ZNF618: variants seen among roughly 807,000 people sequenced by gnomAD.
ZNF618 encodes neural precursor cell expressed, developmentally down-regulated 10.
In ZNF618, 34 loss-of-function variants were observed where a neutral mutation model predicts 103.0. The observed-to-expected ratio is 0.33, with a 90% CI of 0.25 to 0.44. The LOEUF (loss-of-function observed/expected upper bound fraction) is 0.44. Among genes scored for constraint, ZNF618 ranks in the 20% least tolerant of loss-of-function variants. The probability of loss-of-function intolerance (pLI) is 1.00; values close to 1 mark genes in which losing one functional copy is unlikely to be tolerated. For synonymous variants in ZNF618, 551 were observed against 542.2 expected (o/e 1.02, Z -0.23); for missense variants, 1,059 against 1,295.4 (o/e 0.82, Z 2.80).
chr9:113,994,468 G>A (rs1840369883), intron 3 of ZNF618, among the ~76,000 whole-genome samples: 1 of 152,186 alleles, frequency 6.6e-6, no homozygotes, highest in South Asian at 2.1e-4. Context: ...TTCCTCTTGG[G>A]GTCTGAAGGG....
At chr9:113,909,713 G>C (rs1427345295) in intron 1 of ZNF618, among the ~76,000 whole-genome samples, 1 of 152,102 alleles carries the variant, frequency 6.6e-6, no homozygotes, top group East Asian at 1.9e-4. Context: ...GCGCCTCCTG[G>C]CCTCTGGTGC....
intron 10 of ZNF618, 27 bp downstream of exon 10, chr9:114,016,811 G>A (rs1297165750): frequency 6.3e-7 from 1 of 1,582,464 alleles, no homozygotes; most frequent in Admixed American, 1.7e-5. Flanking sequence ...GGTAGGGATG[G>A]GGGTTGGGGG....
chr9:113,940,828 T>G (rs1241319536), intron 1 of ZNF618, among the ~76,000 whole-genome samples: 1 of 152,200 alleles, frequency 6.6e-6, no homozygotes, highest in East Asian at 1.9e-4. Context: ...TGACTCTTTT[T>G]GTTTTAGCTC....
intron 2 of ZNF618, among the ~76,000 whole-genome samples, chr9:113,987,124 C>T (rs1279258033): frequency 6.6e-6 from 1 of 152,166 alleles, no homozygotes; most frequent in Non-Finnish European, 1.5e-5. Flanking sequence ...TGTCTCTGGG[C>T]CTGGAACATG....
At chr9:113,882,230 C>T (rs1327323134) in intron 1 of ZNF618, among the ~76,000 whole-genome samples, 1 of 152,192 alleles carries the variant, frequency 6.6e-6, no homozygotes, top group African/African-American at 2.4e-5. Flanking sequence ...AAATGGAAAG[C>T]TGGGTTTGAG....
In ZNF618 at chr9:114,028,901, C is replaced by G; in HGVS notation, c.1013C>G (p.Thr338Ser). 1.3e-6 allele frequency: 2 copies of G among 1,550,524 alleles called. No individual in the cohort carries two copies. The highest frequency in any genetic ancestry group is 2.7e-5 in the African/African-American group (2 of 73,172). The change falls in exon 11 of 15, where the codon ACC becomes AGC. Residue 338 changes from threonine to serine, a missense_variant. Around this residue, in one of 6 missense-constraint regions of ZNF618, gnomAD observed 434 missense variants for 476.0 expected, o/e 0.91. Coordinates refer to ENST00000374126, the MANE Select transcript of ZNF618 (RefSeq NM_001318042.2). Reference sequence around the variant, plus strand: ...CGATGTGCCACCCTCTTACACCGCACCCCTCCAGCCACCCAAACCCAGACG... The same window carrying G: ...CGATGTGCCACCCTCTTACACCGCAGCCCTCCAGCCACCCAAACCCAGACG... ...VVRCATLLHR[T>S]PPATQTQTFR...
At chr9:113,959,958 T>A (rs898335420) in intron 1 of ZNF618, among the ~76,000 whole-genome samples, 1 of 152,188 alleles carries the variant, frequency 6.6e-6, no homozygotes, top group African/African-American at 2.4e-5. Context: ...GGAGGTGAAT[T>A]CTTCTATTCT....
In ZNF618 at chr9:114,050,215, A is replaced by G. The variant is rs1043577412; in HGVS notation, c.*48A>G. The stretch of plus-strand genomic sequence containing the variant: ...AAAGAAAAAGAGAAGATAACATTAG[A>G]AAAAAACCACACAACACTGTCACAA... On this transcript the variant is annotated 3_prime_UTR_variant, in exon 15 of 15. Transcript: ENST00000374126. 6.0e-6 allele frequency: 9 copies of G among 1,500,500 alleles called. No homozygotes were observed. In the Admixed American group the frequency reaches 9.0e-5, roughly 15 times the overall value. 92.9% of individuals were successfully genotyped at this position (1,500,500 alleles called of 1,614,324 possible).
chr9:113,911,448 C>T (rs933501481), intron 1 of ZNF618, among the ~76,000 whole-genome samples: 1 of 152,196 alleles, frequency 6.6e-6, no homozygotes, highest in African/African-American at 2.4e-5. Flanking sequence ...CCTGTCTTAG[C>T]CTCCCGAGTA....
At chr9:114,015,769 C>T (rs1429686384) in intron 9 of ZNF618, among the ~76,000 whole-genome samples, 1 of 152,156 alleles carries the variant, frequency 6.6e-6, no homozygotes, top group Non-Finnish European at 1.5e-5. Flanking sequence ...GGGACTGGCT[C>T]AGCAAATTCC....
At chr9:113,891,666 A>G (rs1829628095) in intron 1 of ZNF618, among the ~76,000 whole-genome samples, 1 of 152,218 alleles carries the variant, frequency 6.6e-6, no homozygotes, top group Non-Finnish European at 1.5e-5. Context: ...ACCCATGTTT[A>G]TTGCAGCATT....
chr9:113,928,506 G>T (rs543163062), intron 1 of ZNF618, among the ~76,000 whole-genome samples: 1 of 152,140 alleles, frequency 6.6e-6, no homozygotes, highest in Non-Finnish European at 1.5e-5. Context: ...CAGACCTGAC[G>T]TATCTATTAA....
intron 6 of ZNF618, among the ~76,000 whole-genome samples, chr9:114,006,132 AG>A (rs1224021587): frequency 6.6e-6 from 1 of 152,236 alleles, no homozygotes; most frequent in Non-Finnish European, 1.5e-5. Flanking sequence ...AGGTGGGGCC[AG>A]AAACCTTCCC....
intron 1 of ZNF618, among the ~76,000 whole-genome samples, chr9:113,945,683 G>A (rs998968648): frequency 5.9e-5 from 9 of 152,196 alleles, no homozygotes; most frequent in Admixed American, 2.0e-4. Context: ...CTGCTTTGTC[G>A]TTGGCAGAGT....
chr9:113,969,012 C>T (rs1837694094), intron 1 of ZNF618, 105 bp from the exon 2 acceptor site: 2 of 1,335,898 alleles, frequency 1.5e-6, no homozygotes, highest in Non-Finnish European at 2.1e-6. Context: ...CAGCTCACCC[C>T]ACAGTGTGAA....
At position 114,050,440 on chromosome 9, in the gene ZNF618, A is replaced by ATG. The variant is rs1554769331; in HGVS notation, c.*273_*274insTG. 14 of 319,572 alleles carry ATG rather than the reference A, an allele frequency of 4.4e-5. No individual in the cohort carries two copies. The highest frequency in any genetic ancestry group is 3.0e-4 in the African/African-American group (11 of 36,354). The allele number at this position is 319,572 out of a possible 1,614,324, so 19.8% of individuals were successfully genotyped here. ...CCATGGCCAGAGAAACTTTGCACAC[A>ATG]CGCACACACACACACACACACACAC... On this transcript the variant is annotated 3_prime_UTR_variant, in exon 15 of 15. Coordinates refer to ENST00000374126, the MANE Select transcript of ZNF618 (RefSeq NM_001318042.2).
At chr9:113,950,145 C>T (rs1042116966) in intron 1 of ZNF618, among the ~76,000 whole-genome samples, 4 of 152,284 alleles carry the variant, frequency 2.6e-5, no homozygotes, top group Non-Finnish European at 4.4e-5. Flanking sequence ...CTAAAAGCAG[C>T]GGTTATGGTT....
chr9:113,880,933 G>A (rs1346821171), intron 1 of ZNF618, among the ~76,000 whole-genome samples: 1 of 152,170 alleles, frequency 6.6e-6, no homozygotes, highest in Non-Finnish European at 1.5e-5. Flanking sequence ...CTGTGGGTTA[G>A]GTGTCCTGTG....
At chr9:113,960,630 G>T (rs572864332) in intron 1 of ZNF618, among the ~76,000 whole-genome samples, 1 of 152,186 alleles carries the variant, frequency 6.6e-6, no homozygotes, top group Admixed American at 6.5e-5. Flanking sequence ...ACTGAGAGGC[G>T]TAAAGAAAGT....
Sources: allele counts gnomAD v4.1 joint callset (sites outside exome capture counted in the v4.1 genomes callset), GRCh38; gene constraint gnomAD v4.1.1; regional missense constraint gnomAD v4.1.1; transcripts MANE v1.5; gene names NCBI Gene and HGNC (gene_info 2026-07-23, HGNC 2026-07-21).